The following GLRX3 variants were observed in gnomAD, a reference collection of about 807,000 sequenced individuals.
The protein encoded by GLRX3 is glutaredoxin-3.
A neutral mutation model predicts 49.5 loss-of-function variants in GLRX3; 22 were observed. The observed-to-expected ratio is 0.44, with a 90% CI of 0.32 to 0.63. The LOEUF (loss-of-function observed/expected upper bound fraction) is 0.63. Among genes scored for constraint, GLRX3 ranks in the 30% least tolerant of loss-of-function variants. GLRX3 has a pLI of 0.05. For synonymous variants in GLRX3, 133 were observed against 140.0 expected (o/e 0.95, Z 0.35); for missense variants, 385 against 396.3 (o/e 0.97, Z 0.24).
At chr10:130,142,393 G>A (rs1862192032) in intron 1 of GLRX3, among the ~76,000 whole-genome samples, 1 of 152,152 alleles carries the variant, frequency 6.6e-6, no homozygotes, top group Non-Finnish European at 1.5e-5. Context: ...TCCTGACTCA[G>A]AGGAGACTGC....
At chr10:130,179,289 C>T (rs1862981028) in intron 10 of GLRX3, 53 bp from the exon 11 acceptor site, 1 of 819,818 alleles carries the variant, frequency 1.2e-6, no homozygotes, top group South Asian at 1.6e-5. Context: ...TTAGATGTTT[C>T]CATCTTTTTA....
At chr10:130,140,639 CTGAAA>C (rs1862154777) in intron 1 of GLRX3, among the ~76,000 whole-genome samples, 1 of 152,154 alleles carries the variant, frequency 6.6e-6, no homozygotes, top group African/African-American at 2.4e-5. Context: ...AATAATGAAA[CTGAAA>C]TGAATTCAGT....
intron 6 of GLRX3, among the ~76,000 whole-genome samples, chr10:130,168,130 G>A (rs1487562019): frequency 1.3e-5 from 2 of 152,356 alleles, no homozygotes; most frequent in East Asian, 1.9e-4. Flanking sequence ...AGACACCAAA[G>A]GGTAACGGGC....
At position 130,151,108 on chromosome 10, in the gene GLRX3, A is replaced by G. The variant is rs1862368313; in HGVS notation, c.201+5789A>G. Among the ~76,000 whole-genome samples, 4 of 152,008 alleles carry G rather than the reference A, an allele frequency of 2.6e-5. No homozygotes were observed. The South Asian group carries it at 8.3e-4, about 32-fold the overall frequency. On this transcript the variant is annotated intron_variant, in intron 2 of 10. Transcript: ENST00000331244. ...ACTCCTGGCTAATTTTTGTATTTTTAGTAGAGACGGGGTTTCACCGTGTTG... is the reference window on the plus strand; with the variant it reads ...ACTCCTGGCTAATTTTTGTATTTTTGGTAGAGACGGGGTTTCACCGTGTTG...
chr10:130,142,172 C>T lies in GLRX3; in HGVS notation c.93-3039C>T, dbSNP rs117360392. Among the ~76,000 whole-genome samples, 1,088 of 152,218 alleles carry T rather than the reference C, an allele frequency of 7.1e-3. 9 individuals carry two copies. The highest frequency in any genetic ancestry group is 0.012 in the Non-Finnish European group (789 of 68,004). On this transcript the variant is annotated intron_variant, in intron 1 of 10. Coordinates refer to ENST00000331244, the MANE Select transcript of GLRX3 (RefSeq NM_006541.5). ...TAGGTGGGTCTTCATTTGGAGCTTC[C>T]TGCTTTCCTTGTGTGCCTGTGGACA...
chr10:130,169,832 T>C (rs1457953993), intron 7 of GLRX3, among the ~76,000 whole-genome samples: 26 of 152,264 alleles, frequency 1.7e-4, no homozygotes. Flanking sequence ...GTCAGTGGAC[T>C]TCCTGAATGC....
chr10:130,174,368 G>C (rs1247131223), intron 8 of GLRX3, among the ~76,000 whole-genome samples: 6 of 152,248 alleles, frequency 3.9e-5, no homozygotes, highest in Admixed American at 3.9e-4. Flanking sequence ...TTAGAAGTGG[G>C]TAAGAGTGTT....
intron 1 of GLRX3, among the ~76,000 whole-genome samples, chr10:130,137,840 TCGAC>T (rs1165794386): frequency 6.6e-6 from 1 of 152,042 alleles, no homozygotes; most frequent in African/African-American, 2.4e-5. Context: ...GCTCAAGTGA[TCGAC>T]CCACCTCATC....
At chr10:130,154,100 G>A (rs1409392972) in intron 2 of GLRX3, among the ~76,000 whole-genome samples, 2 of 152,246 alleles carry the variant, frequency 1.3e-5, no homozygotes, top group Admixed American at 1.3e-4. Context: ...CTGCTGCGCT[G>A]GCAGCGAGCA....
chr10:130,152,368 G>T (rs1176878246), intron 2 of GLRX3, among the ~76,000 whole-genome samples: 2 of 152,086 alleles, frequency 1.3e-5, no homozygotes, highest in African/African-American at 4.8e-5. Context: ...TGGTAATTTT[G>T]CCCGTTCGTT....
chr10:130,144,083 A>T (rs16910124), intron 1 of GLRX3, among the ~76,000 whole-genome samples: 2,202 of 152,278 alleles, frequency 0.014, 56 homozygotes, highest in East Asian at 0.1. Context: ...CTCGTTTTGC[A>T]CTGGCATGCC....
intron 1 of GLRX3, among the ~76,000 whole-genome samples, chr10:130,142,612 T>A: frequency 6.6e-6 from 1 of 152,242 alleles, no homozygotes; most frequent in East Asian, 1.9e-4. Flanking sequence ...ACAGATCTCT[T>A]AGAGTACATC....
chr10:130,164,593 A>T (rs1862645986), intron 4 of GLRX3, among the ~76,000 whole-genome samples: 1 of 152,140 alleles, frequency 6.6e-6, no homozygotes, highest in South Asian at 2.1e-4. Flanking sequence ...GCAGTTAAAC[A>T]TTACTTTTCT....
At chr10:130,148,433 C>CTTTTTTTT (rs57482969) in intron 2 of GLRX3, among the ~76,000 whole-genome samples, 5 of 70,582 alleles carry the variant, frequency 7.1e-5, no homozygotes, top group African/African-American at 1.7e-4. Flanking sequence ...GCCCTTCAGT[C>CTTTTTTTT]TTTTTTTTTT....
At chr10:130,167,890 C>T (rs900824001) in intron 6 of GLRX3, among the ~76,000 whole-genome samples, 1 of 152,198 alleles carries the variant, frequency 6.6e-6, no homozygotes, top group African/African-American at 2.4e-5. Context: ...TGATACTCCT[C>T]ATCCCTTTTT....
At chr10:130,153,765 C>A (rs954036651) in intron 2 of GLRX3, among the ~76,000 whole-genome samples, 1 of 152,104 alleles carries the variant, frequency 6.6e-6, no homozygotes, top group Non-Finnish European at 1.5e-5. Context: ...CAGGGACCCA[C>A]TTGAGGAGGC....
intron 2 of GLRX3, among the ~76,000 whole-genome samples, chr10:130,150,098 G>A (rs12412992): frequency 0.094 from 14,223 of 151,650 alleles, 847 homozygotes; most frequent in Non-Finnish European, 0.12. Flanking sequence ...AAATCAGCCA[G>A]CTGTGGTGGG....
At position 130,137,848 on chromosome 10, in the gene GLRX3, C is replaced by T. The variant is rs1862093034; in HGVS notation, c.92+1336C>T. Among the ~76,000 whole-genome samples the T allele has an allele frequency of 3.9e-5, 6 of 152,112 alleles. No homozygotes were observed. In the South Asian group the frequency reaches 1.2e-3, roughly 32 times the overall value. On this transcript the variant is annotated intron_variant, in intron 1 of 10. Transcript: ENST00000331244. ...CTCCCAGGCTCAAGTGATCGACCCA[C>T]CTCATCCTCCCGAGTAGCTGGGACC...
intron 2 of GLRX3, among the ~76,000 whole-genome samples, chr10:130,146,885 T>C (rs919157945): frequency 1.3e-5 from 2 of 152,186 alleles, no homozygotes; most frequent in Non-Finnish European, 2.9e-5. Context: ...TTCAGGAGGC[T>C]TCTGTATAAA....
Sources: gnomAD v4.1 joint callset for allele counts (sites outside exome capture counted in the v4.1 genomes callset) on GRCh38, gnomAD v4.1.1 for gene constraint, MANE v1.5 for transcripts, NCBI Gene and HGNC (gene_info 2026-07-23, HGNC 2026-07-21) for gene names.